Variants in RTN4RL1 observed in about 807,000 individuals in gnomAD.
The protein encoded by RTN4RL1 is reticulon-4 receptor-like 1.
RTN4RL1 carries 7 observed loss-of-function variants against 25.6 expected under a neutral mutation model. The ratio of observed to expected loss-of-function variants is 0.27; its 90% CI spans 0.16 to 0.51. The LOEUF (loss-of-function observed/expected upper bound fraction) is 0.51, where lower values mean the gene tolerates loss of function less well. Ranked by LOEUF, RTN4RL1 falls within the 20% of genes least tolerant of loss-of-function variation. RTN4RL1 has a pLI of 0.97. For missense variants in RTN4RL1, 500 were observed against 615.6 expected, an observed-to-expected ratio of 0.81 and a Z score of 1.99; for synonymous variants, 297 against 288.2, an observed-to-expected ratio of 1.03 and a Z score of -0.31.
At chr17:2,000,060 C>G (rs1031429228) in intron 1 of RTN4RL1, among the ~76,000 whole-genome samples, 1 of 152,264 alleles carries the variant, frequency 6.6e-6, no homozygotes. Flanking sequence ...ATGTACCCAG[C>G]ACAGAGGGAG....
chr17:1,958,473 A>C (rs1367641841), intron 1 of RTN4RL1, among the ~76,000 whole-genome samples: 1 of 152,182 alleles, frequency 6.6e-6, no homozygotes, highest in Admixed American at 6.5e-5. Flanking sequence ...CACACTCATG[A>C]GGCCGGGGAA....
At chr17:1,997,938 G>A (rs1009314744) in intron 1 of RTN4RL1, among the ~76,000 whole-genome samples, 1 of 152,208 alleles carries the variant, frequency 6.6e-6, no homozygotes, top group African/African-American at 2.4e-5. Flanking sequence ...AGGCCTTCTG[G>A]GGAAAGCGTG....
intron 1 of RTN4RL1, among the ~76,000 whole-genome samples, chr17:1,972,933 G>A (rs574149203): frequency 3.3e-5 from 5 of 152,342 alleles, no homozygotes; most frequent in Admixed American, 2.6e-4. Context: ...AGCAGCGGCC[G>A]AAATGAAATG....
chr17:2,002,192 T>C (rs769685657), intron 1 of RTN4RL1, among the ~76,000 whole-genome samples: 24 of 152,026 alleles, frequency 1.6e-4, no homozygotes, highest in Non-Finnish European at 2.8e-4. Context: ...GCAAGGACTG[T>C]CTTCCTTCCT....
chr17:1,937,087 C>A lies in RTN4RL1; in HGVS notation c.735G>T (p.Gly245=), dbSNP rs770932853. ...ELQGECLAPL[G]ALEFLRLNGN... ...CGTTGAGGCGGAGGAACTCCAGGGC[C>A]CCCAGCGGGGCCAGGCACTCACCCT... Residue 245 remains glycine, a synonymous_variant, in exon 2 of 2, where the codon GGG becomes GGT. Transcript: ENST00000331238. The A allele has an allele frequency of 3.7e-6, 6 of 1,606,624 alleles. No individual in the cohort carries two copies. The Admixed American group carries it at 1.0e-4, about 27-fold the overall frequency.
intron 1 of RTN4RL1, among the ~76,000 whole-genome samples, chr17:1,988,529 A>G (rs894152487): frequency 6.7e-6 from 1 of 148,236 alleles, no homozygotes; most frequent in Non-Finnish European, 1.5e-5. Context: ...AAAAGAAAAG[A>G]AAAGAAAAAG....
chr17:1,979,197 T>C (rs1251960791), intron 1 of RTN4RL1, among the ~76,000 whole-genome samples: 1 of 152,138 alleles, frequency 6.6e-6, no homozygotes, highest in Non-Finnish European at 1.5e-5. Context: ...TGCTTGAACC[T>C]GGAAAGCAAA....
chr17:1,961,804 A>ATG (rs2066763441), intron 1 of RTN4RL1, among the ~76,000 whole-genome samples: 2 of 135,202 alleles, frequency 1.5e-5, no homozygotes, highest in South Asian at 2.4e-4. Flanking sequence ...AAAAATTAGC[A>ATG]GGGCGTGGTG....
intron 1 of RTN4RL1, among the ~76,000 whole-genome samples, chr17:1,946,650 ATATG>A (rs1487744023): frequency 2.7e-5 from 3 of 111,256 alleles, no homozygotes; most frequent in South Asian, 2.8e-4. Flanking sequence ...CTCTGTGTGA[ATATG>A]TGTGTGTGCA....
chr17:1,937,895 C>G (rs1915346276), intron 1 of RTN4RL1, 87 bp from the exon 2 acceptor site: 4 of 1,088,860 alleles, frequency 3.7e-6, no homozygotes, highest in African/African-American at 1.6e-5. Context: ...GAGGACGCAT[C>G]CTCGTCTTGG....
chr17:2,005,767 TTC>T (rs925682296), intron 1 of RTN4RL1, among the ~76,000 whole-genome samples: 1 of 104,732 alleles, frequency 9.5e-6, no homozygotes, highest in Non-Finnish European at 2.1e-5. Context: ...CTCTCTCTCC[TTC>T]TCTTTCTTTT....
intron 1 of RTN4RL1, among the ~76,000 whole-genome samples, chr17:1,979,216 T>C (rs2066856399): frequency 6.6e-6 from 1 of 152,154 alleles, no homozygotes; most frequent in Non-Finnish European, 1.5e-5. Context: ...AAGGTTGCAG[T>C]GAGCCAAGAT....
intron 1 of RTN4RL1, among the ~76,000 whole-genome samples, chr17:1,981,724 C>T (rs1279833995): frequency 6.6e-6 from 1 of 152,214 alleles, no homozygotes; most frequent in Non-Finnish European, 1.5e-5. Flanking sequence ...GACTGCTGTT[C>T]TCCCAGGAAG....
chr17:1,956,677 AGGGCTGCAGGG>A (rs1437152806), intron 1 of RTN4RL1, among the ~76,000 whole-genome samples: 1 of 149,640 alleles, frequency 6.7e-6, no homozygotes, highest in Admixed American at 6.7e-5. Context: ...GCCTCCTGGG[AGGGCTGCAGGG>A]GAGCTCAGGG....
intron 1 of RTN4RL1, among the ~76,000 whole-genome samples, chr17:1,972,042 G>A (rs1399127567): frequency 1.3e-5 from 2 of 151,660 alleles, no homozygotes; most frequent in Admixed American, 1.3e-4. Context: ...GGAGGGTGAG[G>A]TGGGAAGATC....
chr17:1,990,912 C>T (rs1567518336), intron 1 of RTN4RL1, among the ~76,000 whole-genome samples: 1 of 152,098 alleles, frequency 6.6e-6, no homozygotes, highest in Non-Finnish European at 1.5e-5. Context: ...TGCACACAGC[C>T]CTGCACCCAC....
At chr17:1,991,139 T>C (rs1171887883) in intron 1 of RTN4RL1, among the ~76,000 whole-genome samples, 1 of 152,172 alleles carries the variant, frequency 6.6e-6, no homozygotes, top group Admixed American at 6.5e-5. Flanking sequence ...TGCCAGCTGA[T>C]TTCTGTCTGT....
intron 1 of RTN4RL1, among the ~76,000 whole-genome samples, chr17:1,984,839 C>T (rs980839663): frequency 6.6e-6 from 1 of 152,162 alleles, no homozygotes; most frequent in African/African-American, 2.4e-5. Flanking sequence ...TGGTAGCACA[C>T]ACCTGTAATC....
At chr17:1,966,853 C>T (rs2066793560) in intron 1 of RTN4RL1, among the ~76,000 whole-genome samples, 1 of 152,188 alleles carries the variant, frequency 6.6e-6, no homozygotes, top group Non-Finnish European at 1.5e-5. Context: ...GAGGGCTTCC[C>T]AGCTTCACCC....
Sources: allele counts gnomAD v4.1 joint callset (sites outside exome capture counted in the v4.1 genomes callset), GRCh38; gene constraint gnomAD v4.1.1; transcripts MANE v1.5; gene names NCBI Gene and HGNC (gene_info 2026-07-23, HGNC 2026-07-21).